Variants in MIPOL1 observed in about 807,000 individuals in gnomAD.
MIPOL1 encodes the protein mirror-image polydactyly 1, also known as mirror-image polydactyly gene 1 protein.
In MIPOL1, 57 loss-of-function variants were observed where a neutral mutation model predicts 60.9. The observed-to-expected ratio is 0.94, with a 90% CI of 0.76 to 1.17. The LOEUF (loss-of-function observed/expected upper bound fraction) is 1.17, where lower values mean the gene tolerates loss of function less well. Ranked by LOEUF, MIPOL1 falls within the 50% of genes most tolerant of loss-of-function variation. The pLI is 0.00. For missense variants in MIPOL1, 551 were observed against 511.6 expected (o/e 1.08, Z -0.74); for synonymous variants, 179 against 168.8 (o/e 1.06, Z -0.47).
chr14:37,383,407 C>T (rs1955954), intron 10 of MIPOL1, among the ~76,000 whole-genome samples: 147,178 of 151,924 alleles, frequency 0.97, 71,363 homozygotes, highest in East Asian at 1. Flanking sequence ...ACATAAATTA[C>T]TCATTTTAAA....
chr14:37,461,353 C>G (rs898699073), intron 11 of MIPOL1, among the ~76,000 whole-genome samples: 1 of 152,132 alleles, frequency 6.6e-6, no homozygotes, highest in South Asian at 2.1e-4. Context: ...TTAAAACCAT[C>G]AGATCACATG....
chr14:37,427,413 G>A (rs1171215703), intron 11 of MIPOL1, among the ~76,000 whole-genome samples: 7 of 152,146 alleles, frequency 4.6e-5, no homozygotes. Context: ...AGTTGGAGAA[G>A]GGGAATACGG....
In MIPOL1 at chr14:37,486,824, C is replaced by G. The variant is rs111747300; in HGVS notation, c.1032-13084C>G. ...TATTGAATACTCTTTATTGCTTTCT[C>G]TTGCCTGATTGTCCTGGCTAGAACT... On this transcript the variant is annotated intron_variant, in intron 11 of 12. Coordinates refer to ENST00000684589, the MANE Select transcript of MIPOL1 (RefSeq NM_001388067.1). Among the ~76,000 whole-genome samples the G allele has an allele frequency of 8.4e-3, 1,282 of 152,248 alleles. 19 individuals carry two copies. Among genetic ancestry groups the G allele is most frequent in the African/African-American group, 0.028 (1,175 of 41,532 alleles).
At chr14:37,262,071 G>A (rs2082551987) in intron 3 of MIPOL1, among the ~76,000 whole-genome samples, 1 of 151,846 alleles carries the variant, frequency 6.6e-6, no homozygotes, top group South Asian at 2.1e-4. Flanking sequence ...ATATACATCT[G>A]TATTGCCTAG....
intron 11 of MIPOL1, among the ~76,000 whole-genome samples, chr14:37,459,533 C>G (rs1329474625): frequency 2.0e-5 from 3 of 151,950 alleles, no homozygotes; most frequent in Non-Finnish European, 1.5e-5. Context: ...AAAATTTTTC[C>G]AACAACAACA....
chr14:37,401,944 A>G (rs1054016840), intron 10 of MIPOL1: 2 of 152,286 alleles, frequency 1.3e-5, no homozygotes, highest in Admixed American at 1.3e-4. Flanking sequence ...GAGTAGGAGT[A>G]TGGATAGAAG....
intron 11 of MIPOL1, among the ~76,000 whole-genome samples, chr14:37,461,696 A>C (rs2153582211): frequency 6.6e-6 from 1 of 152,324 alleles, no homozygotes; most frequent in East Asian, 1.9e-4. Flanking sequence ...GAAATTGGCC[A>C]AAACAAAGGG....
intron 10 of MIPOL1, among the ~76,000 whole-genome samples, chr14:37,392,196 A>G (rs1391277993): frequency 6.6e-6 from 1 of 152,128 alleles, no homozygotes; most frequent in Non-Finnish European, 1.5e-5. Context: ...ACTTCTGATC[A>G]AGGAACAGTG....
intron 12 of MIPOL1, among the ~76,000 whole-genome samples, chr14:37,539,316 GA>G (rs2095520448): frequency 6.6e-6 from 1 of 152,158 alleles, no homozygotes. Flanking sequence ...TTCTGATATG[GA>G]AATATTAATT....
At chr14:37,335,950 C>T (rs2090074475) in intron 9 of MIPOL1, among the ~76,000 whole-genome samples, 1 of 151,964 alleles carries the variant, frequency 6.6e-6, no homozygotes, top group South Asian at 2.1e-4. Context: ...CTTTTAGTAT[C>T]ATATTCAAGA....
At position 37,263,894 on chromosome 14, in the gene MIPOL1, G is replaced by A. The variant is rs150152235; in HGVS notation, c.20-3044G>A. 5.0e-3 allele frequency among the ~76,000 whole-genome samples: 769 copies of A among 152,280 alleles called. 5 individuals carry two copies. Among genetic ancestry groups the A allele is most frequent in the African/African-American group, 0.017 (719 of 41,578 alleles). ...CTGCCTAGAGATAAGAGTTTGAATC[G>A]AAAGTGAATATCTTTCTGTTTAACA... On this transcript the variant is annotated intron_variant, in intron 3 of 12. Coordinates refer to ENST00000684589, the MANE Select transcript of MIPOL1 (RefSeq NM_001388067.1).
At chr14:37,248,169 GA>G (rs532184059) in intron 3 of MIPOL1, among the ~76,000 whole-genome samples, 65 of 148,000 alleles carry the variant, frequency 4.4e-4, no homozygotes, top group Non-Finnish European at 8.2e-4. Context: ...GAGAGAGGGA[GA>G]AAAAAAAAGA....
chr14:37,487,252 G>T (rs1405027568), intron 11 of MIPOL1, among the ~76,000 whole-genome samples: 1 of 152,072 alleles, frequency 6.6e-6, no homozygotes, highest in Non-Finnish European at 1.5e-5. Context: ...TTTTATTGAA[G>T]ATTTTTGCAT....
intron 9 of MIPOL1, among the ~76,000 whole-genome samples, chr14:37,324,254 A>G (rs939933941): frequency 1.3e-5 from 2 of 152,014 alleles, no homozygotes; most frequent in Non-Finnish European, 2.9e-5. Flanking sequence ...AATTGTAGCT[A>G]TTTTAGTAGG....
At chr14:37,330,829 A>G (rs1488918394) in intron 9 of MIPOL1, among the ~76,000 whole-genome samples, 1 of 151,792 alleles carries the variant, frequency 6.6e-6, no homozygotes, top group South Asian at 2.1e-4. Flanking sequence ...TGCCAGGAGG[A>G]GAGATCAGAG....
rs903056559 is a variant in MIPOL1, at chr14:37,326,286, A to T, written c.828+17767A>T. 3.6e-4 allele frequency among the ~76,000 whole-genome samples: 55 copies of T among 152,220 alleles called. 3 individuals are homozygous for T. Among genetic ancestry groups the T allele is most frequent in the Non-Finnish European group, 4.4e-5 (3 of 68,042 alleles). ...GATGATGGGGGACATGGTAAGACTA[A>T]TGAATTCCTTGAGCACAGGCTCACT... On this transcript the variant is annotated intron_variant, in intron 9 of 12. Coordinates refer to ENST00000684589, the MANE Select transcript of MIPOL1 (RefSeq NM_001388067.1).
Position 37,448,096 on chromosome 14 carries a change from A to G in MIPOL1, c.1031+25147A>G, listed in dbSNP as rs2094363990. On this transcript the variant is annotated intron_variant, in intron 11 of 12. Transcript: ENST00000684589. ...TTAAATTAAAGACAAAAATAAATAA[A>G]GTCTGATCAACCAAAACGAAAATAT... 2.0e-5 allele frequency among the ~76,000 whole-genome samples: 3 copies of G among 152,342 alleles called. No individual in the cohort carries two copies. In the South Asian group the frequency reaches 6.2e-4, roughly 32 times the overall value.
intron 6 of MIPOL1, among the ~76,000 whole-genome samples, chr14:37,274,469 A>G (rs1016379950): frequency 2.0e-5 from 3 of 151,466 alleles, no homozygotes; most frequent in African/African-American, 7.2e-5. Flanking sequence ...AACTATGCTT[A>G]CTTCTTTACA....
intron 3 of MIPOL1, among the ~76,000 whole-genome samples, chr14:37,251,127 C>A (rs1285612484): frequency 6.6e-6 from 1 of 152,062 alleles, no homozygotes; most frequent in Non-Finnish European, 1.5e-5. Context: ...GTGGTATGAT[C>A]ATGGCCCACT....
Sources: gnomAD v4.1 joint callset for allele counts (sites outside exome capture counted in the v4.1 genomes callset) on GRCh38, gnomAD v4.1.1 for gene constraint, MANE v1.5 for transcripts, NCBI Gene and HGNC (gene_info 2026-07-23, HGNC 2026-07-21) for gene names.